The following TSPEAR variants were observed in gnomAD, a reference collection of about 807,000 sequenced individuals.
TSPEAR encodes the protein thrombospondin-type laminin G domain and EAR repeat-containing protein.
Under a neutral mutation model 71.6 loss-of-function variants are expected in TSPEAR, and 69 were observed. The observed-to-expected ratio is 0.96, with a 90% CI of 0.79 to 1.18. TSPEAR has a LOEUF of 1.18. TSPEAR is among the 50% of genes most tolerant of loss of function. The pLI, the probability that TSPEAR is intolerant of heterozygous loss-of-function variation, is 0.00. For synonymous variants in TSPEAR, 402 were observed against 387.2 expected (o/e 1.04, Z -0.45); for missense variants, 971 against 894.9 (o/e 1.09, Z -1.09).
intron 1 of TSPEAR, chr21:44,637,811 T>C (rs781991923): frequency 8.0e-6 from 11 of 1,368,730 alleles, no homozygotes; most frequent in Admixed American, 2.1e-5. Context: ...GCAGTCTAGC[T>C]GCCAGCCAAC....
chr21:44,512,920 C>T (rs933446348), intron 9 of TSPEAR, among the ~76,000 whole-genome samples: 7 of 152,136 alleles, frequency 4.6e-5, no homozygotes, highest in South Asian at 2.1e-4. Flanking sequence ...GGGCCGGGGG[C>T]GGCTCAGAGG....
Position 44,567,925 on chromosome 21 carries a change from C to A in TSPEAR, c.163G>T (p.Gly55Cys). 5 of 1,603,474 alleles carry A rather than the reference C, an allele frequency of 3.1e-6. No individual in the cohort carries two copies. The highest frequency in any genetic ancestry group is 4.3e-6 in the Non-Finnish European group (5 of 1,173,694). Residue 55 changes from glycine to cysteine, a missense_variant, in exon 2 of 12, where the codon GGT (glycine) becomes TGT (cysteine). Gly to Cys is a radical substitution (Grantham distance 159, BLOSUM62 -3). Transcript: ENST00000323084. ...TSGIRIVQVH[G>C]ARGLQLSVAA... is the part of the protein sequence containing the mutation. The stretch of plus-strand genomic sequence containing the variant: ...ACTGAGAGCTGGAGTCCCCGTGCAC[C>A]GTGAACCTGAACTATCCTGATCCCG...
chr21:44,666,238 TCTGGGACCC>T, intron 1 of TSPEAR: 2 of 591,370 alleles, frequency 3.4e-6, no homozygotes, highest in Middle Eastern at 4.5e-4. Context: ...AGAGAATGAC[TCTGGGACCC>T]CAGACTTCCC....
chr21:44,610,305 G>T (rs1171968116), intron 1 of TSPEAR, among the ~76,000 whole-genome samples: 3 of 152,202 alleles, frequency 2.0e-5, no homozygotes, highest in Non-Finnish European at 4.4e-5. Context: ...AGGCCTGGAG[G>T]CCTGGGAGGA....
At chr21:44,525,366 T>TAGTC (rs782789391) in intron 8 of TSPEAR, among the ~76,000 whole-genome samples, 1 of 152,076 alleles carries the variant, frequency 6.6e-6, no homozygotes, top group Non-Finnish European at 1.5e-5. Context: ...GTTAATCAGC[T>TAGTC]AGTCAGTCAG....
At chr21:44,709,771 C>A (rs875125) in intron 1 of TSPEAR, among the ~76,000 whole-genome samples, 14,415 of 152,324 alleles carry the variant, frequency 0.095, 736 homozygotes, top group Middle Eastern at 0.17. Flanking sequence ...AGAGCGAGCG[C>A]GCGCCTGTGC....
At chr21:44,627,012 A>C in intron 1 of TSPEAR, 1 of 1,187,356 alleles carries the variant, frequency 8.4e-7, no homozygotes, top group East Asian at 2.4e-5. Flanking sequence ...GCCGCCTCTC[A>C]GCAACAAGGA....
At chr21:44,515,264 TTGAAAGA>T (rs1555913236) in intron 9 of TSPEAR, among the ~76,000 whole-genome samples, 1 of 152,254 alleles carries the variant, frequency 6.6e-6, no homozygotes, top group African/African-American at 2.4e-5. Flanking sequence ...TTACTGAGTT[TTGAAAGA>T]TGAGGCTCAG....
chr21:44,685,123 A>T (rs2838634), intron 1 of TSPEAR, among the ~76,000 whole-genome samples: 2 of 151,860 alleles, frequency 1.3e-5, no homozygotes, highest in South Asian at 4.2e-4. Context: ...TTTCATTAAC[A>T]TGGTGTCTGA....
chr21:44,702,873 C>T (rs528879925), intron 1 of TSPEAR: 15 of 745,668 alleles, frequency 2.0e-5, no homozygotes, highest in African/African-American at 1.4e-4. Context: ...TCTCAGCACA[C>T]GCACTAGTAC....
At chr21:44,696,897 A>AT (rs1365463617) in intron 1 of TSPEAR, among the ~76,000 whole-genome samples, 3 of 152,128 alleles carry the variant, frequency 2.0e-5, no homozygotes, top group Non-Finnish European at 4.4e-5. Flanking sequence ...TCAAGAAACC[A>AT]CCCCAAACAC....
At chr21:44,663,623 A>T (rs1396797177) in intron 1 of TSPEAR, among the ~76,000 whole-genome samples, 1 of 152,136 alleles carries the variant, frequency 6.6e-6, no homozygotes, top group Non-Finnish European at 1.5e-5. Flanking sequence ...TAATCTTGAT[A>T]TCAAATTTGA....
At chr21:44,653,417 C>A (rs1258517443) in intron 1 of TSPEAR, among the ~76,000 whole-genome samples, 1 of 152,098 alleles carries the variant, frequency 6.6e-6, no homozygotes, top group Non-Finnish European at 1.5e-5. Context: ...CTGGTGTGAG[C>A]TGAAACACGG....
At chr21:44,689,712 A>ATATATAAATATATAT (rs1555949491) in intron 1 of TSPEAR, among the ~76,000 whole-genome samples, 1 of 62,038 alleles carries the variant, frequency 1.6e-5, no homozygotes, top group Non-Finnish European at 2.8e-5. Context: ...GAATAGAATG[A>ATATATAAATATATAT]ATATATATAT....
chr21:44,665,705 T>G (rs1411753732), intron 1 of TSPEAR, among the ~76,000 whole-genome samples: 6 of 151,808 alleles, frequency 4.0e-5, no homozygotes, highest in Non-Finnish European at 8.8e-5. Context: ...TTCATGCGGG[T>G]TTATTATATT....
At chr21:44,707,386 G>C (rs1987986766) in intron 1 of TSPEAR, among the ~76,000 whole-genome samples, 1 of 152,162 alleles carries the variant, frequency 6.6e-6, no homozygotes, top group African/African-American at 2.4e-5. Context: ...ACGCAGCTGC[G>C]GGGCGCAGGG....
intron 1 of TSPEAR, chr21:44,574,307 C>T (rs782626029): frequency 4.3e-6 from 7 of 1,611,890 alleles, no homozygotes; most frequent in South Asian, 1.1e-5. Context: ...GCTGTGTGTC[C>T]AGCCCCTGCT....
Position 44,558,166 on chromosome 21 carries a change from A to G in TSPEAR, c.303+9619T>C, listed in dbSNP as rs1555920214. 9 of 1,611,410 alleles carry G rather than the reference A, an allele frequency of 5.6e-6. No individual in the cohort carries two copies. In the South Asian group the frequency reaches 7.7e-5, roughly 14 times the overall value. ...GCCGGGCGGCAGCAGCTGGGCTGGC[A>G]GGTGGAGGCAGGGGCACAGCAGGAG... On this transcript the variant is annotated intron_variant, in intron 2 of 11. Coordinates refer to ENST00000323084, the MANE Select transcript of TSPEAR (RefSeq NM_144991.3).
At chr21:44,639,052 C>A (rs73907102) in intron 1 of TSPEAR, among the ~76,000 whole-genome samples, 1 of 152,144 alleles carries the variant, frequency 6.6e-6, no homozygotes, top group African/African-American at 2.4e-5. Context: ...GCATCGCTGG[C>A]GAGAGCACAG....
Sources: gnomAD v4.1 joint callset for allele counts (sites outside exome capture counted in the v4.1 genomes callset) on GRCh38, gnomAD v4.1.1 for gene constraint, MANE v1.5 for transcripts, NCBI Gene and HGNC (gene_info 2026-07-23, HGNC 2026-07-21) for gene names.